The following HMGN5 variants were observed in gnomAD, a reference collection of about 807,000 sequenced individuals.
The protein encoded by HMGN5 is high mobility group nucleosome-binding domain-containing protein 5.
Under a neutral mutation model 9.5 loss-of-function variants are expected in HMGN5, and 4 were observed. The observed-to-expected ratio is 0.42, with a 90% CI of 0.21 to 0.96. The LOEUF (loss-of-function observed/expected upper bound fraction) is 0.96, where lower values mean the gene tolerates loss of function less well. HMGN5 is among the 40% of genes least tolerant of loss of function. HMGN5 has a pLI of 0.30. For synonymous variants in HMGN5, 55 were observed against 57.1 expected (o/e 0.96, Z 0.16); for missense variants, 192 against 187.5 (o/e 1.02, Z -0.14).
chrX:81,146,065 A>T (rs929294614), intron 1 of HMGN5, among the ~76,000 whole-genome samples: 5 of 110,641 alleles, frequency 4.5e-5, no homozygotes, highest in Non-Finnish European at 9.5e-5. Flanking sequence ...AGACTTTAAC[A>T]CCCCGCTGTC....
At chrX:81,116,097 C>T (rs1188648061) in intron 6 of HMGN5, 107 bp downstream of exon 6, 3 of 522,376 alleles carry the variant, frequency 5.7e-6, no homozygotes, top group Non-Finnish European at 9.4e-6. Context: ...AACCACTGCT[C>T]ACTTAATTTT....
chrX:81,118,605 T>G, intron 4 of HMGN5, 120 bp from the exon 5 acceptor site: 1 of 807,658 alleles, frequency 1.2e-6, no homozygotes, highest in Non-Finnish European at 1.8e-6. Context: ...AAAAATACAT[T>G]TCCTTGGTGT....
chrX:81,188,453 C>T (rs73634721), intron 1 of HMGN5, among the ~76,000 whole-genome samples: 3,705 of 109,467 alleles, frequency 0.034, 166 homozygotes, highest in African/African-American at 0.12. Context: ...TTGTTTTTGA[C>T]TGGTTCATCA....
At chrX:81,148,286 T>C (rs912173811) in intron 1 of HMGN5, among the ~76,000 whole-genome samples, 2 of 111,680 alleles carry the variant, frequency 1.8e-5, no homozygotes, top group Non-Finnish European at 3.8e-5. Flanking sequence ...AACAGATATA[T>C]AGACCAATGG....
intron 1 of HMGN5, among the ~76,000 whole-genome samples, chrX:81,151,763 G>A (rs1214404063): frequency 9.1e-6 from 1 of 109,846 alleles, no homozygotes; most frequent in African/African-American, 3.3e-5. Flanking sequence ...TGTTATTGGT[G>A]TATAAGAATG....
intron 1 of HMGN5, among the ~76,000 whole-genome samples, chrX:81,185,981 A>G (rs2075476212): frequency 8.9e-6 from 1 of 111,811 alleles, no homozygotes; most frequent in Admixed American, 9.5e-5. Flanking sequence ...GGTGATCATG[A>G]ATGATATTTT....
chrX:81,151,247 C>A (rs2075361309), intron 1 of HMGN5, among the ~76,000 whole-genome samples: 1 of 111,569 alleles, frequency 9.0e-6, no homozygotes, highest in Non-Finnish European at 1.9e-5. Context: ...TGTCAAAGAT[C>A]AGATAGTTGT....
At position 81,114,134 on chromosome X, in the gene HMGN5, T is replaced by C. The variant is rs913395513; in HGVS notation, c.*515A>G. On this transcript the variant is annotated 3_prime_UTR_variant, in exon 7 of 7. Coordinates refer to ENST00000358130, the MANE Select transcript of HMGN5 (RefSeq NM_030763.3). ...TTGTGTATTCACATATAATCAAAAC[T>C]GCCCTTCTGAAATAAACATTTGTAT... The C allele has an allele frequency of 8.9e-6, 1 of 111,981 alleles. No homozygotes were observed. The highest frequency in any genetic ancestry group is 1.9e-5 in the Non-Finnish European group (1 of 53,138). The allele number at this position is 111,981 out of a possible 1,213,427, so 9.2% of individuals were successfully genotyped here.
At chrX:81,125,000 G>T (rs2075279071) in intron 1 of HMGN5, among the ~76,000 whole-genome samples, 1 of 110,029 alleles carries the variant, frequency 9.1e-6, no homozygotes, top group Non-Finnish European at 1.9e-5. Context: ...GAATCCAAAA[G>T]AAAATATTAT....
chrX:81,168,154 C>G (rs895379158), intron 1 of HMGN5, among the ~76,000 whole-genome samples: 1 of 112,187 alleles, frequency 8.9e-6, no homozygotes, highest in East Asian at 2.8e-4. Flanking sequence ...ATGCTTCTCT[C>G]TCTATAGGCT....
intron 1 of HMGN5, among the ~76,000 whole-genome samples, chrX:81,152,206 C>T (rs922953162): frequency 9.9e-5 from 11 of 111,274 alleles, no homozygotes; most frequent in Non-Finnish European, 2.1e-4. Context: ...AGTGGACAGG[C>T]AAGCTACAAA....
intron 1 of HMGN5, among the ~76,000 whole-genome samples, chrX:81,199,442 C>G (rs1395869022): frequency 8.9e-6 from 1 of 112,597 alleles, no homozygotes; most frequent in Non-Finnish European, 1.9e-5. Context: ...GCAAAAAGAA[C>G]AAAGCTGGAG....
At chrX:81,142,116 C>A (rs192539245) in intron 1 of HMGN5, among the ~76,000 whole-genome samples, 8 of 111,340 alleles carry the variant, frequency 7.2e-5, no homozygotes, top group African/African-American at 2.6e-4. Flanking sequence ...CCAGAAGAAA[C>A]AATTAGTGAA....
At chrX:81,124,059 C>G (rs1173200816) in intron 1 of HMGN5, among the ~76,000 whole-genome samples, 1 of 112,351 alleles carries the variant, frequency 8.9e-6, no homozygotes, top group Non-Finnish European at 1.9e-5. Flanking sequence ...GCATAATGTG[C>G]AGGTCAGTGA....
At chrX:81,120,348 C>T (rs1439822102) in intron 2 of HMGN5, among the ~76,000 whole-genome samples, 1 of 111,014 alleles carries the variant, frequency 9.0e-6, no homozygotes, top group African/African-American at 3.3e-5. Context: ...AGAAACTGGC[C>T]GCCGATTTTA....
chrX:81,132,206 T>A (rs754926283), intron 1 of HMGN5, among the ~76,000 whole-genome samples: 34 of 110,550 alleles, frequency 3.1e-4, no homozygotes, highest in Non-Finnish European at 5.3e-4. Context: ...CTCAAAGAAA[T>A]CAGAGATGAA....
intron 1 of HMGN5, among the ~76,000 whole-genome samples, chrX:81,180,194 T>A (rs1288167546): frequency 3.6e-5 from 4 of 111,441 alleles, no homozygotes; most frequent in Non-Finnish European, 5.7e-5. Flanking sequence ...AAAGCCAAAA[T>A]TGACAAACGG....
At chrX:81,127,298 T>C (rs1485965212) in intron 1 of HMGN5, among the ~76,000 whole-genome samples, 1 of 111,677 alleles carries the variant, frequency 9.0e-6, no homozygotes. Context: ...AGGCTGCCTA[T>C]ATGAGACAAG....
intron 1 of HMGN5, among the ~76,000 whole-genome samples, chrX:81,168,765 C>T (rs994095596): frequency 4.5e-5 from 5 of 111,673 alleles, no homozygotes; most frequent in Non-Finnish European, 7.5e-5. Flanking sequence ...TCTAATACAG[C>T]GGGTCTACAA....
Sources: allele counts gnomAD v4.1 joint callset (sites outside exome capture counted in the v4.1 genomes callset), GRCh38; gene constraint gnomAD v4.1.1; transcripts MANE v1.5; gene names NCBI Gene and HGNC (gene_info 2026-07-23, HGNC 2026-07-21).